The following LAMC1 variants were observed in gnomAD, a reference collection of about 807,000 sequenced individuals.
The protein encoded by LAMC1 is laminin subunit gamma 1.
A neutral mutation model predicts 173.6 loss-of-function variants in LAMC1; 38 were observed. The observed-to-expected ratio is 0.22, with a 90% confidence interval of 0.17 to 0.29. LAMC1 has a LOEUF of 0.29. Ranked by LOEUF, LAMC1 falls within the 10% of genes least tolerant of loss-of-function variation. The pLI, the probability that LAMC1 is intolerant of heterozygous loss-of-function variation, is 1.00. For synonymous variants in LAMC1, 746 were observed against 749.1 expected (o/e 1.00, Z 0.07); for missense variants, 1,824 against 2,051.8 (o/e 0.89, Z 2.14).
In LAMC1 at chr1:183,134,904, C is replaced by T. The variant is rs979245378; in HGVS notation, c.3999+95C>T. 1.4e-5 allele frequency: 20 copies of T among 1,393,606 alleles called. No homozygotes were observed. The African/African-American group carries it at 1.9e-4, about 13-fold the overall frequency. The allele number at this position is 1,393,606 out of a possible 1,614,324, so 86.3% of individuals were successfully genotyped here. A position where few individuals can be genotyped will look rare whatever the true frequency, so the allele number is the denominator to read the frequency against. On this transcript the variant is annotated intron_variant, in intron 23 of 27. Coordinates refer to ENST00000258341, the MANE Select transcript of LAMC1 (RefSeq NM_002293.4). ...ATGCCGTACTTTCAGAGACAGCAGA[C>T]CCCAGTGCTGAGAGAGCAGCCTAAC... is the stretch of plus-strand genomic sequence containing the variant.
chr1:183,026,717 T>G (rs1198281163), intron 1 of LAMC1, among the ~76,000 whole-genome samples: 1 of 152,220 alleles, frequency 6.6e-6, no homozygotes, highest in Non-Finnish European at 1.5e-5. Flanking sequence ...AAGAACTAGG[T>G]CTAGCCACCA....
intron 1 of LAMC1, among the ~76,000 whole-genome samples, chr1:183,035,483 A>AG (rs1318845353): frequency 6.6e-6 from 1 of 152,172 alleles, no homozygotes; most frequent in Non-Finnish European, 1.5e-5. Context: ...CACCATGCCC[A>AG]GCTGAGGATT....
In LAMC1 at chr1:183,116,860, T is replaced by C. The variant is rs1470034068; in HGVS notation, c.1521T>C (p.Ala507=). 2 of 1,614,054 alleles carry C rather than the reference T, an allele frequency of 1.2e-6. No homozygotes were observed. The highest frequency in any genetic ancestry group is 1.6e-4 in the Middle Eastern group (1 of 6,084). The change falls in exon 8 of 28, where the codon GCT becomes GCC. Residue 507 remains alanine, a synonymous_variant. Transcript: ENST00000258341. ...CFGHSSVCTN[A]VGYSVYSISS... ...GGCATTCTTCTGTCTGTACAAACGCTGTTGGCTACAGTGTTTATTCTATCT... is the reference window on the plus strand; with the variant it reads ...GGCATTCTTCTGTCTGTACAAACGCCGTTGGCTACAGTGTTTATTCTATCT...
intron 1 of LAMC1, among the ~76,000 whole-genome samples, chr1:183,079,231 GGTTTTTTTTTTTTTTTTT>G: frequency 1.0e-5 from 1 of 95,676 alleles, no homozygotes; most frequent in African/African-American, 4.0e-5. Context: ...TCTCTAATCT[GGTTTTTTTTTTTTTTTTT>G]TTTTTTTTTT....
chr1:183,113,751 G>A (rs557929460), intron 4 of LAMC1, among the ~76,000 whole-genome samples: 9 of 152,210 alleles, frequency 5.9e-5, no homozygotes, highest in Middle Eastern at 3.4e-3. Flanking sequence ...AAATAATCTG[G>A]CACTTTGGAA....
intron 1 of LAMC1, among the ~76,000 whole-genome samples, chr1:183,032,817 T>C (rs183346532): frequency 1.3e-5 from 2 of 152,308 alleles, no homozygotes; most frequent in African/African-American, 4.8e-5. Flanking sequence ...GAATGATTGT[T>C]TGTGGCAGTG....
At chr1:183,125,196 T>A in intron 14 of LAMC1, 1 of 612,648 alleles carries the variant, frequency 1.6e-6, no homozygotes, top group East Asian at 2.8e-5. Context: ...ACGCTAAGCC[T>A]TCAAAATCCA....
intron 7 of LAMC1, 25 bp from the exon 8 acceptor site, chr1:183,116,742 C>CT: frequency 6.2e-7 from 1 of 1,612,614 alleles, no homozygotes; most frequent in Non-Finnish European, 8.5e-7. Flanking sequence ...AAAAAAGTAA[C>CT]TGATTGTGTC....
intron 1 of LAMC1, among the ~76,000 whole-genome samples, chr1:183,102,489 C>T (rs2102068795): frequency 6.6e-6 from 1 of 152,256 alleles, no homozygotes; most frequent in African/African-American, 2.4e-5. Context: ...TAGCAAGACC[C>T]AATGTGTGAA....
At chr1:183,071,089 T>TG (rs1654998738) in intron 1 of LAMC1, among the ~76,000 whole-genome samples, 1 of 149,934 alleles carries the variant, frequency 6.7e-6, no homozygotes, top group African/African-American at 2.5e-5. Flanking sequence ...TTTTTTTGTT[T>TG]TTGTTTTTTT....
At position 183,125,415 on chromosome 1, in the gene LAMC1, A is replaced by G; in HGVS notation, c.2666A>G (p.Tyr889Cys). Residue 889 changes from tyrosine (Y) to cysteine (C), a missense_variant, in exon 15 of 28, where the codon TAT (tyrosine) becomes TGT (cysteine). Tyr to Cys is a radical substitution (Grantham distance 194). Transcript: ENST00000258341. The part of the protein sequence containing the change: ...DKCKACNCNL[Y>C]GTMKQQSSCN... ...GCCTTAGCCTGCAATTGCAATCTGT[A>G]TGGGACCATGAAGCAGCAGAGCAGC... is the stretch of plus-strand genomic sequence containing the variant. 4 of 1,614,094 alleles carry G rather than the reference A, an allele frequency of 2.5e-6. No homozygotes were observed. The highest frequency in any genetic ancestry group is 2.5e-6 in the Non-Finnish European group (3 of 1,179,992).
chr1:183,031,792 G>A (rs1653856174), intron 1 of LAMC1, among the ~76,000 whole-genome samples: 1 of 152,108 alleles, frequency 6.6e-6, no homozygotes. Context: ...GCTTGAAAGT[G>A]TAAAATTTCA....
chr1:183,086,322 AAGT>A (rs2102055078), intron 1 of LAMC1, among the ~76,000 whole-genome samples: 1 of 152,358 alleles, frequency 6.6e-6, no homozygotes, highest in East Asian at 1.9e-4. Flanking sequence ...TGAATGAGCC[AAGT>A]AGTGGTGGGA....
intron 20 of LAMC1, 105 bp from the exon 21 acceptor site, chr1:183,132,295 T>G: frequency 1.4e-5 from 1 of 70,858 alleles, no homozygotes; most frequent in Non-Finnish European, 2.5e-5. Flanking sequence ...CCATTTCAAA[T>G]AATAATAATA....
chr1:183,037,514 T>G (rs761181453), intron 1 of LAMC1, among the ~76,000 whole-genome samples: 1 of 152,242 alleles, frequency 6.6e-6, no homozygotes, highest in African/African-American at 2.4e-5. Flanking sequence ...TTTTGTTAAT[T>G]GATGAATAGC....
In LAMC1 at chr1:183,110,482, C is replaced by T; in HGVS notation, c.855-6C>T. 2 of 1,605,088 alleles carry T rather than the reference C, an allele frequency of 1.2e-6. No individual in the cohort carries two copies. Among genetic ancestry groups the T allele is most frequent in the Non-Finnish European group, 1.7e-6 (2 of 1,173,748 alleles). ...CCATTTTTTGGAGTATCTCTTCTCT[C>T]CCCAGATGTAAATGTAATGGACACG... On this transcript the variant is annotated splice_polypyrimidine_tract_variant and splice_region_variant and intron_variant, in intron 3 of 27. Coordinates refer to ENST00000258341, the MANE Select transcript of LAMC1 (RefSeq NM_002293.4).
At chr1:183,129,765 T>C (rs4651145) in intron 18 of LAMC1, among the ~76,000 whole-genome samples, 78,722 of 151,910 alleles carry the variant, frequency 0.52, 21,092 homozygotes, top group South Asian at 0.65. Context: ...AATGAGCATA[T>C]TAATAAAGAA....
At chr1:183,046,008 G>C (rs958868443) in intron 1 of LAMC1, among the ~76,000 whole-genome samples, 3 of 151,788 alleles carry the variant, frequency 2.0e-5, no homozygotes, top group Non-Finnish European at 4.4e-5. Flanking sequence ...TCCTTTGTCA[G>C]TTATGTGTTT....
At chr1:183,035,733 C>T (rs1411511438) in intron 1 of LAMC1, among the ~76,000 whole-genome samples, 5 of 152,106 alleles carry the variant, frequency 3.3e-5, no homozygotes, top group African/African-American at 4.8e-5. Flanking sequence ...CATAACATGG[C>T]TGTTTTTCTT....
Sources: allele counts gnomAD v4.1 joint callset (sites outside exome capture counted in the v4.1 genomes callset), GRCh38; gene constraint gnomAD v4.1.1; transcripts MANE v1.5; gene names NCBI Gene and HGNC (gene_info 2026-07-23, HGNC 2026-07-21).